Variants in MLIP observed in about 807,000 individuals in gnomAD.
The protein encoded by MLIP is muscular LMNA-interacting protein.
MLIP carries 79 observed loss-of-function variants against 84.8 expected under a neutral mutation model. That is an observed-to-expected ratio of 0.93 (90% CI 0.78 to 1.12). MLIP has a LOEUF of 1.12. Among genes scored for constraint, MLIP ranks in the 50% most tolerant of loss-of-function variants. The pLI is 0.00. For missense variants in MLIP, 1,257 were observed against 1,160.6 expected (o/e 1.08, Z -1.21); for synonymous variants, 504 against 463.0 (o/e 1.09, Z -1.14).
At chr6:54,255,082 C>A (rs1782918001) in intron 12 of MLIP, among the ~76,000 whole-genome samples, 1 of 152,026 alleles carries the variant, frequency 6.6e-6, no homozygotes, top group Non-Finnish European at 1.5e-5. Context: ...AATGGGACAC[C>A]CTTGACTTCA....
chr6:54,065,832 T>G (rs1395079668), intron 1 of MLIP, among the ~76,000 whole-genome samples: 1 of 100,220 alleles, frequency 1.0e-5, no homozygotes, highest in East Asian at 2.7e-4. Context: ...GATTTGATAG[T>G]TTTTACTTAT....
At chr6:54,194,609 A>C (rs535229656) in intron 10 of MLIP, among the ~76,000 whole-genome samples, 2 of 152,258 alleles carry the variant, frequency 1.3e-5, no homozygotes, top group South Asian at 2.1e-4. Flanking sequence ...TAGATCATTT[A>C]GAATCAACAT....
At chr6:54,108,214 T>C (rs1336579254), upstream of MLIP, among the ~76,000 whole-genome samples, 1 of 152,212 alleles carries the variant, frequency 6.6e-6, no homozygotes. Context: ...AAAAAGATTA[T>C]TCAACAGAGC....
intron 1 of MLIP, among the ~76,000 whole-genome samples, chr6:54,059,986 C>T (rs1176168144): frequency 8.5e-5 from 13 of 152,234 alleles, no homozygotes; most frequent in Admixed American, 8.5e-4. Flanking sequence ...GTGATTTCTC[C>T]TAAAGTTTTA....
chr6:54,119,258 A>G (rs1770226392), intron 1 of MLIP, among the ~76,000 whole-genome samples: 1 of 152,260 alleles, frequency 6.6e-6, no homozygotes, highest in Non-Finnish European at 1.5e-5. Flanking sequence ...TTACAGCAGT[A>G]TCCACAGTAA....
intron 4 of MLIP, among the ~76,000 whole-genome samples, chr6:54,145,165 T>A (rs1328668997): frequency 6.6e-6 from 1 of 152,212 alleles, no homozygotes; most frequent in Non-Finnish European, 1.5e-5. Flanking sequence ...CATTTTTACC[T>A]CCTATGATTA....
At chr6:54,198,572 C>T (rs1051011663) in intron 10 of MLIP, among the ~76,000 whole-genome samples, 1 of 151,948 alleles carries the variant, frequency 6.6e-6, no homozygotes, top group African/African-American at 2.4e-5. Context: ...TGGTATAATT[C>T]CTGAGGGGTC....
chr6:54,147,193 A>G (rs1208917424), intron 4 of MLIP, among the ~76,000 whole-genome samples: 1 of 152,200 alleles, frequency 6.6e-6, no homozygotes, highest in Non-Finnish European at 1.5e-5. Context: ...ATTCTTTGGA[A>G]GAAAATATTA....
In MLIP at chr6:54,068,013, C is replaced by CTCCTTCCT. The variant is rs138001276; in HGVS notation, c.63+48936_63+48943dup. Among the ~76,000 whole-genome samples the CTCCTTCCT allele has an allele frequency of 3.9e-4, 29 of 73,684 alleles. 1 individual carries two copies. The highest frequency in any genetic ancestry group is 8.6e-4 in the African/African-American group (28 of 32,736). The allele number at this position is 73,684 out of a possible 152,430, so 48.3% of individuals were successfully genotyped here. ...ATCTCAAGTCCTTTCTTCATGTCAG[C>CTCCTTCCT]TCCTTCCTTCCTTCCTTCCTTTTTT... On this transcript the variant is annotated intron_variant, in intron 1 of 12. Transcript: ENST00000274897.
At chr6:54,257,455 G>A (rs139505989) in intron 13 of MLIP, 94 bp downstream of exon 13, 129 of 944,526 alleles carry the variant, frequency 1.4e-4, no homozygotes, top group Non-Finnish European at 1.5e-5. Context: ...ACAAAATTGT[G>A]CTTTTATAAC....
At position 54,163,338 on chromosome 6, in the gene MLIP, A is replaced by G. The variant is rs958805897; in HGVS notation, c.2499+2539A>G. ...TACATTCAATTAGATTCTATTTACC[A>G]GGGACTTTAAGCCATTTATAATTAT... On this transcript the variant is annotated intron_variant, in intron 8 of 13. Coordinates refer to ENST00000502396, the MANE Select transcript of MLIP (RefSeq NM_001281747.2). Among the ~76,000 whole-genome samples the G allele has an allele frequency of 3.3e-5, 5 of 151,910 alleles. No individual in the cohort carries two copies. The South Asian group carries it at 1.0e-3, about 32-fold the overall frequency.
chr6:54,266,030 A>AAT lies in MLIP; in HGVS notation c.*75_*76insAT. 1 of 1,467,626 alleles carries AAT rather than the reference A, an allele frequency of 6.8e-7. No individual in the cohort carries two copies. The highest frequency in any genetic ancestry group is 9.2e-7 in the Non-Finnish European group (1 of 1,083,104). 90.9% of individuals were successfully genotyped at this position (1,467,626 alleles called of 1,614,324 possible). ...TGGTGCTAACCACTTGCTAGATTTA[A>AAT]CTTTTTTTTTTTTTTCCAGAATGAG... On this transcript the variant is annotated 3_prime_UTR_variant, in exon 14 of 14. Transcript: ENST00000502396.
intron 1 of MLIP, among the ~76,000 whole-genome samples, chr6:54,115,092 C>G (rs1003914204): frequency 1.3e-5 from 2 of 152,124 alleles, no homozygotes; most frequent in African/African-American, 4.8e-5. Context: ...AGTGAATGGG[C>G]TATGGAAGTA....
intron 1 of MLIP, chr6:54,032,462 T>C (rs1764195008): frequency 6.6e-6 from 1 of 152,170 alleles, no homozygotes; most frequent in African/African-American, 2.4e-5. Context: ...TACACAATAA[T>C]GATGAGGTAG....
intron 8 of MLIP, among the ~76,000 whole-genome samples, chr6:54,165,273 CT>C (rs952153079): frequency 1.1e-4 from 16 of 151,898 alleles, no homozygotes; most frequent in Admixed American, 9.2e-4. Context: ...GTGACCCTGA[CT>C]CTATTTCTGC....
intron 11 of MLIP, among the ~76,000 whole-genome samples, chr6:54,221,343 GA>G (rs1325529511): frequency 2.6e-5 from 4 of 151,682 alleles, no homozygotes; most frequent in East Asian, 1.9e-4. Flanking sequence ...AATACAAAAG[GA>G]AAAAAAGAAC....
intron 11 of MLIP, among the ~76,000 whole-genome samples, chr6:54,202,885 C>A (rs1362200074): frequency 6.6e-6 from 1 of 152,086 alleles, no homozygotes; most frequent in African/African-American, 2.4e-5. Flanking sequence ...GGTGACAGAG[C>A]AAGACCCTGT....
chr6:54,213,727 A>AAAAAAAAAAAAC (rs1779643499), intron 11 of MLIP, among the ~76,000 whole-genome samples: 1 of 9,930 alleles, frequency 1.0e-4, no homozygotes, highest in African/African-American at 1.4e-4. Context: ...AAAAAAAAAA[A>AAAAAAAAAAAAC]AAAAAAAAAC....
chr6:54,086,305 T>C lies in MLIP; in HGVS notation c.64-35142T>C, dbSNP rs9474730. On this transcript the variant is annotated intron_variant, in intron 1 of 12. Transcript: ENST00000274897. ...CTAACTCCATACTCAGCATATTTAC[T>C]TGAATGTCTAAAAGACCCCTCCCAC... Among the ~76,000 whole-genome samples the C allele has an allele frequency of 2.3e-3, 355 of 152,288 alleles. 1 individual carries two copies. Among genetic ancestry groups the C allele is most frequent in the African/African-American group, 8.2e-3 (339 of 41,578 alleles).
Sources: allele counts gnomAD v4.1 joint callset (sites outside exome capture counted in the v4.1 genomes callset), GRCh38; gene constraint gnomAD v4.1.1; transcripts MANE v1.5; gene names NCBI Gene and HGNC (gene_info 2026-07-23, HGNC 2026-07-21).